Variants in GCLC observed in about 807,000 individuals in gnomAD.
The protein encoded by GCLC is glutamate-cysteine ligase catalytic subunit, also known as glutamate--cysteine ligase catalytic subunit.
Under a neutral mutation model 81.5 loss-of-function variants are expected in GCLC, and 30 were observed. The ratio of observed to expected loss-of-function variants is 0.37; its 90% confidence interval spans 0.28 to 0.50. GCLC has a LOEUF of 0.50. Ranked by LOEUF, GCLC falls within the 20% of genes least tolerant of loss-of-function variation. The pLI is 0.96. For synonymous variants in GCLC, 262 were observed against 273.3 expected (o/e 0.96, Z 0.41); for missense variants, 556 against 777.4 (o/e 0.72, Z 3.39).
At chr6:53,521,528 G>A (rs1026160739) in intron 2 of GCLC, among the ~76,000 whole-genome samples, 3 of 152,174 alleles carry the variant, frequency 2.0e-5, no homozygotes, top group South Asian at 2.1e-4. Flanking sequence ...ACTCTGCAGA[G>A]AAGGAGATGA....
intron 15 of GCLC, among the ~76,000 whole-genome samples, chr6:53,499,599 G>A (rs1489517923): frequency 6.6e-6 from 1 of 152,118 alleles, no homozygotes; most frequent in African/African-American, 2.4e-5. Context: ...CTTGGTTACT[G>A]TACTGTATTG....
rs962784727 is a variant in GCLC, at chr6:53,508,719, C to CA, written c.829-9dup. 8 of 1,582,458 alleles carry CA rather than the reference C, an allele frequency of 5.1e-6. No individual in the cohort carries two copies. Among genetic ancestry groups the CA allele is most frequent in the Non-Finnish European group, 6.9e-6 (8 of 1,151,280 alleles). On this transcript the variant is annotated splice_polypyrimidine_tract_variant and intron_variant, in intron 7 of 15. Coordinates refer to ENST00000650454, the MANE Select transcript of GCLC (RefSeq NM_001498.4). ...TGCAGCACTCAAAGCCATCTAAAAA[C>CA]AAACAAAAGTCAGCTCCTGCAAATT...
intron 1 of GCLC, 139 bp from the exon 2 acceptor site, chr6:53,522,666 C>T (rs903567603): frequency 4.6e-6 from 3 of 651,480 alleles, no homozygotes; most frequent in African/African-American, 3.6e-5. Flanking sequence ...GTTTACAGTA[C>T]AGCACATAAG....
intron 1 of GCLC, among the ~76,000 whole-genome samples, chr6:53,528,716 C>G (rs1763124382): frequency 6.6e-6 from 1 of 152,144 alleles, no homozygotes; most frequent in African/African-American, 2.4e-5. Flanking sequence ...TCTCCCTGAT[C>G]TAGTTTTCTG....
At chr6:53,499,198 A>G (rs1383909417) in intron 15 of GCLC, among the ~76,000 whole-genome samples, 4 of 152,138 alleles carry the variant, frequency 2.6e-5, no homozygotes, top group Non-Finnish European at 5.9e-5. Context: ...TCCAGTTTCT[A>G]TGGTACCTGT....
At chr6:53,515,555 T>C (rs956423062) in intron 4 of GCLC, among the ~76,000 whole-genome samples, 2 of 152,214 alleles carry the variant, frequency 1.3e-5, no homozygotes, top group Admixed American at 1.3e-4. Flanking sequence ...AGGCTCAGGA[T>C]GACAGATGAG....
At position 53,501,817 on chromosome 6, in the gene GCLC, A is replaced by G. The variant is rs564729228; in HGVS notation, c.1396-1304T>C. On this transcript the variant is annotated intron_variant, in intron 12 of 15. Coordinates refer to ENST00000650454, the MANE Select transcript of GCLC (RefSeq NM_001498.4). Reference sequence around the variant, plus strand: ...TTTTCCTTAGTCTTGAAAAAAGTTCATAACGACCACTTATAATTTGTGCTT... The same window carrying G: ...TTTTCCTTAGTCTTGAAAAAAGTTCGTAACGACCACTTATAATTTGTGCTT... 2.2e-3 allele frequency among the ~76,000 whole-genome samples: 336 copies of G among 152,370 alleles called. 3 individuals are homozygous for G. The highest frequency in any genetic ancestry group is 7.6e-3 in the African/African-American group (318 of 41,584).
At chr6:53,520,160 G>A (rs530996009) in intron 3 of GCLC, among the ~76,000 whole-genome samples, 38 of 152,284 alleles carry the variant, frequency 2.5e-4, no homozygotes, top group African/African-American at 7.7e-4. Context: ...CATTCTAAGC[G>A]AAGAACATAA....
rs1054036548 is a variant in GCLC, at chr6:53,506,728, T to C, written c.1197+185A>G. On this transcript the variant is annotated intron_variant, in intron 10 of 15. Coordinates refer to ENST00000650454, the MANE Select transcript of GCLC (RefSeq NM_001498.4). This position sits in a 1 kb window ranked among gnomAD's most constrained non-coding sequence, Gnocchi z 4.0. ...ATAAGAGTACTTGAAACCGATTTTT[T>C]ATTTGTCCAAGTTCTTTACTGCACT... The C allele has an allele frequency of 5.1e-6, 3 of 584,808 alleles. No individual in the cohort carries two copies. Among genetic ancestry groups the C allele is most frequent in the East Asian group, 5.8e-5 (2 of 34,554 alleles). 36.2% of individuals were successfully genotyped at this position (584,808 alleles called of 1,614,324 possible).
chr6:53,526,448 T>C (rs1763082043), intron 1 of GCLC, among the ~76,000 whole-genome samples: 1 of 152,224 alleles, frequency 6.6e-6, no homozygotes, highest in Non-Finnish European at 1.5e-5. Context: ...CTTTTCTTGC[T>C]TTTAAAAACT....
Position 53,498,894 on chromosome 6 carries a change from G to T in GCLC, c.1776C>A (p.Val592=). 1 of 1,612,436 alleles carries T rather than the reference G, an allele frequency of 6.2e-7. No individual in the cohort carries two copies. The highest frequency in any genetic ancestry group is 8.5e-7 in the Non-Finnish European group (1 of 1,178,608). ...ANHPDYKQDS[V]ITDEMNYSLI... ...GGCTATAATTCATTTCATCAGTTAT[G>T]ACACTGTCTTGCTTGTAGTCAGGAT... The change falls in exon 16 of 16, where the codon GTC becomes GTA. Residue 592 remains valine (V), a synonymous_variant. Coordinates refer to ENST00000650454, the MANE Select transcript of GCLC (RefSeq NM_001498.4).
chr6:53,535,933 G>A (rs775278398), intron 1 of GCLC, among the ~76,000 whole-genome samples: 5 of 152,182 alleles, frequency 3.3e-5, no homozygotes, highest in Admixed American at 6.5e-5. Context: ...TTAACAACAC[G>A]CTACTCCTAG....
intron 12 of GCLC, among the ~76,000 whole-genome samples, chr6:53,502,756 A>G (rs1026819340): frequency 3.9e-5 from 6 of 152,156 alleles, no homozygotes; most frequent in African/African-American, 1.4e-4. Context: ...GATAGAGTTT[A>G]GTCTATTCAA....
chr6:53,501,125 G>T lies in GCLC; in HGVS notation c.1396-612C>A, dbSNP rs1016625665. ...GTAGAGACGGGGTTTCACCATGTTGGCCAGGCTGGTTTCGAACTCCTGACC... is the reference window on the plus strand; with the variant it reads ...GTAGAGACGGGGTTTCACCATGTTGTCCAGGCTGGTTTCGAACTCCTGACC... On this transcript the variant is annotated intron_variant, in intron 12 of 15. Coordinates refer to ENST00000650454, the MANE Select transcript of GCLC (RefSeq NM_001498.4). 7 of 164,468 alleles carry T rather than the reference G, an allele frequency of 4.3e-5. No homozygotes were observed. In the South Asian group the frequency reaches 1.1e-3, roughly 26 times the overall value. The allele number at this position is 164,468 out of a possible 1,614,324, so 10.2% of individuals were successfully genotyped here. A position where few individuals can be genotyped will look rare whatever the true frequency, so the allele number is the denominator to read the frequency against.
intron 1 of GCLC, 165 bp from the exon 2 acceptor site, chr6:53,522,692 T>C (rs2127625733): frequency 1.7e-6 from 1 of 572,332 alleles, no homozygotes; most frequent in East Asian, 3.2e-5. Flanking sequence ...ATATGCATAA[T>C]ATGGAAACCT....
intron 3 of GCLC, among the ~76,000 whole-genome samples, chr6:53,519,819 T>C (rs1762955790): frequency 6.6e-6 from 1 of 152,120 alleles, no homozygotes; most frequent in South Asian, 2.1e-4. Flanking sequence ...CTATAAATGT[T>C]AGATGGCTGG....
chr6:53,544,447 G>A (rs985746765), intron 1 of GCLC, 49 bp downstream of exon 1: 179 of 1,589,966 alleles, frequency 1.1e-4, no homozygotes, highest in Non-Finnish European at 1.5e-4. Flanking sequence ...AGGCAGCGCG[G>A]GCGGCCAGAC....
Position 53,514,451 on chromosome 6 carries a change from T to C in GCLC, c.607A>G (p.Ile203Val), listed in dbSNP as rs747717444. Residue 203 changes from isoleucine (I) to valine (V), a missense_variant, in exon 5 of 16, where the codon ATC becomes GTC. Coordinates refer to ENST00000650454, the MANE Select transcript of GCLC (RefSeq NM_001498.4). ...IRHRRGEKVV[I>V]NVPIFKDKNT... ...TCAGTAGACTTACTTGGTACATTGA[T>C]GACAACCTTTTCTCCTCTCCTATGT... 5 of 1,612,944 alleles carry C rather than the reference T, an allele frequency of 3.1e-6. No homozygotes were observed. The highest frequency in any genetic ancestry group is 1.7e-4 in the Middle Eastern group (1 of 6,056).
chr6:53,501,293 T>A (rs1029515628), intron 12 of GCLC: 1 of 153,664 alleles, frequency 6.5e-6, no homozygotes, highest in Non-Finnish European at 1.4e-5. Flanking sequence ...CCCACTTTAG[T>A]GAGGAAAGGC....
Sources: gnomAD v4.1 joint callset for allele counts (sites outside exome capture counted in the v4.1 genomes callset) on GRCh38, gnomAD v4.1.1 for gene constraint, Gnocchi (gnomAD v3.1) non-coding constraint, MANE v1.5 for transcripts, NCBI Gene and HGNC (gene_info 2026-07-23, HGNC 2026-07-21) for gene names.